SEPTIN7: variants seen among roughly 807,000 people sequenced by gnomAD.
SEPTIN7 encodes the protein septin-7.
A neutral mutation model predicts 63.3 loss-of-function variants in SEPTIN7; 10 were observed. The ratio of observed to expected loss-of-function variants is 0.16; its 90% CI spans 0.10 to 0.27. The LOEUF (loss-of-function observed/expected upper bound fraction) is 0.27. SEPTIN7 is among the 10% of genes least tolerant of loss of function. The pLI is 1.00. For synonymous variants in SEPTIN7, 131 were observed against 165.3 expected (o/e 0.79, Z 1.59); for missense variants, 310 against 521.0 (o/e 0.59, Z 3.94).
chr7:35,856,152 A>AC (rs1309547043), intron 3 of SEPTIN7, among the ~76,000 whole-genome samples: 4 of 152,208 alleles, frequency 2.6e-5, no homozygotes, highest in Non-Finnish European at 5.9e-5. Context: ...TCATACTCTT[A>AC]TACTAATTTG....
At chr7:35,909,773 A>G (rs946787775), downstream of SEPTIN7, among the ~76,000 whole-genome samples, 1 of 152,254 alleles carries the variant, frequency 6.6e-6, no homozygotes, top group African/African-American at 2.4e-5. Flanking sequence ...GTGTGATTCC[A>G]TAACATTTGT....
At chr7:35,894,586 G>C (rs1787848377) in intron 11 of SEPTIN7, among the ~76,000 whole-genome samples, 1 of 152,080 alleles carries the variant, frequency 6.6e-6, no homozygotes, top group Non-Finnish European at 1.5e-5. Context: ...TGGAAGTTTT[G>C]TTTATGTTTG....
chr7:35,849,291 T>A (rs891477958), intron 3 of SEPTIN7, among the ~76,000 whole-genome samples: 1 of 152,146 alleles, frequency 6.6e-6, no homozygotes, highest in Admixed American at 6.5e-5. Context: ...GAAGACAATT[T>A]TTCTGCCAGG....
At chr7:35,913,387 ATCTTTCTT>A in the SEPTIN7 span, among the ~76,000 whole-genome samples, 1 of 138,878 alleles carries the variant, frequency 7.2e-6, no homozygotes, top group Non-Finnish European at 1.6e-5. Context: ...CTTTCTTTTT[ATCTTTCTT>A]TCTTTCTTTC....
In SEPTIN7 at chr7:35,883,875, A is replaced by T. The variant is rs563745475; in HGVS notation, c.724-16A>T. On this transcript the variant is annotated splice_polypyrimidine_tract_variant and intron_variant, in intron 8 of 13. Coordinates refer to ENST00000350320, the MANE Select transcript of SEPTIN7 (RefSeq NM_001788.6). ...ACTACAGAGATGTATTTGAACAAGAATACTTTGTTTTATAGGACCGTTTAC... is the reference window on the plus strand; with the variant it reads ...ACTACAGAGATGTATTTGAACAAGATTACTTTGTTTTATAGGACCGTTTAC... 2.0e-6 allele frequency: 3 copies of T among 1,486,418 alleles called. No homozygotes were observed. The East Asian group carries it at 6.8e-5, about 34-fold the overall frequency. 92.1% of individuals were successfully genotyped at this position (1,486,418 alleles called of 1,614,324 possible). A position where few individuals can be genotyped will look rare whatever the true frequency, so the allele number is the denominator to read the frequency against.
downstream of SEPTIN7, among the ~76,000 whole-genome samples, chr7:35,911,021 A>G (rs1788731571): frequency 6.6e-6 from 1 of 152,226 alleles, no homozygotes; most frequent in Non-Finnish European, 1.5e-5. Flanking sequence ...TTCTGGAAGG[A>G]TCCTGAGGAC....
intron 1 of SEPTIN7, among the ~76,000 whole-genome samples, chr7:35,831,082 T>C (rs531551510): frequency 1.3e-5 from 2 of 152,306 alleles, no homozygotes; most frequent in East Asian, 3.9e-4. Context: ...TAAAACTTGG[T>C]TCCTGTATAC....
chr7:35,851,167 C>T (rs1401712434), intron 3 of SEPTIN7, among the ~76,000 whole-genome samples: 1 of 152,092 alleles, frequency 6.6e-6, no homozygotes, highest in African/African-American at 2.4e-5. Context: ...GACAAGTCCT[C>T]AAAGATAAGA....
chr7:35,817,904 G>T (rs1206641205), intron 1 of SEPTIN7, among the ~76,000 whole-genome samples: 3 of 150,502 alleles, frequency 2.0e-5, no homozygotes, highest in Non-Finnish European at 4.4e-5. Context: ...TTTTTTAGTG[G>T]ATTCTTTTGG....
At chr7:35,812,415 C>T (rs1320811921) in intron 1 of SEPTIN7, among the ~76,000 whole-genome samples, 1 of 150,410 alleles carries the variant, frequency 6.6e-6, no homozygotes, top group Admixed American at 6.6e-5. Flanking sequence ...GTGGTCAACA[C>T]AGAGGAAATG....
chr7:35,895,920 C>G (rs867405357), intron 11 of SEPTIN7, among the ~76,000 whole-genome samples: 1 of 152,184 alleles, frequency 6.6e-6, no homozygotes, highest in Non-Finnish European at 1.5e-5. Context: ...AAGCAATTCT[C>G]CTGTCTCAGC....
At chr7:35,893,906 A>G (rs1787800789) in intron 11 of SEPTIN7, among the ~76,000 whole-genome samples, 2 of 152,120 alleles carry the variant, frequency 1.3e-5, no homozygotes, top group Non-Finnish European at 2.9e-5. Context: ...CTTAGCAGCT[A>G]TCCAGTAATT....
At chr7:35,831,129 A>G (rs1783814144) in intron 1 of SEPTIN7, among the ~76,000 whole-genome samples, 1 of 151,946 alleles carries the variant, frequency 6.6e-6, no homozygotes, top group Non-Finnish European at 1.5e-5. Context: ...CTTTTCTACC[A>G]TTTCTGTAAA....
the SEPTIN7 span, among the ~76,000 whole-genome samples, chr7:35,913,902 T>A: frequency 6.6e-6 from 1 of 152,204 alleles, no homozygotes; most frequent in African/African-American, 2.4e-5. Context: ...GAACAGAATA[T>A]TGACCGCCAT....
At chr7:35,827,053 TCAAA>T (rs1488146770) in intron 1 of SEPTIN7, among the ~76,000 whole-genome samples, 1 of 152,182 alleles carries the variant, frequency 6.6e-6, no homozygotes, top group Non-Finnish European at 1.5e-5. Context: ...GATTTTTCCA[TCAAA>T]CAGTGGAGTT....
chr7:35,881,752 A>T (rs560447902), intron 7 of SEPTIN7, among the ~76,000 whole-genome samples: 1 of 151,958 alleles, frequency 6.6e-6, no homozygotes, highest in Non-Finnish European at 1.5e-5. Context: ...AAGGATAGGT[A>T]GTTGAAAATT....
At chr7:35,830,320 CAGG>C (rs1202338891) in intron 1 of SEPTIN7, among the ~76,000 whole-genome samples, 1 of 152,034 alleles carries the variant, frequency 6.6e-6, no homozygotes, top group Non-Finnish European at 1.5e-5. Flanking sequence ...GGAAGTGTAG[CAGG>C]AGATGAGGCC....
chr7:35,811,884 CA>C (rs1788734948), intron 1 of SEPTIN7, among the ~76,000 whole-genome samples: 1 of 152,046 alleles, frequency 6.6e-6, no homozygotes, highest in African/African-American at 2.4e-5. Flanking sequence ...TAGCTTCCTG[CA>C]GTGGCAGGTG....
chr7:35,899,898 A>G (rs1205674338), intron 12 of SEPTIN7: 2 of 151,382 alleles, frequency 1.3e-5, no homozygotes, highest in Non-Finnish European at 2.9e-5. Context: ...TTATATACAT[A>G]TATATATATG....
Sources: allele counts gnomAD v4.1 joint callset (sites outside exome capture counted in the v4.1 genomes callset), GRCh38; gene constraint gnomAD v4.1.1; transcripts MANE v1.5; gene names NCBI Gene and HGNC (gene_info 2026-07-23, HGNC 2026-07-21).